The following CNBD1 variants were observed in gnomAD, a reference collection of about 807,000 sequenced individuals.
The protein encoded by CNBD1 is cyclic nucleotide-binding domain-containing protein 1.
In CNBD1, 71 loss-of-function variants were observed where a neutral mutation model predicts 54.4. That is an observed-to-expected ratio of 1.30 (90% CI 1.08 to 1.59). CNBD1 has a LOEUF of 1.59. CNBD1 is among the 40% of genes most tolerant of loss of function. The pLI, the probability that CNBD1 is intolerant of heterozygous loss-of-function variation, is 0.00. For synonymous variants in CNBD1, 182 were observed against 170.7 expected (o/e 1.07, Z -0.51); for missense variants, 659 against 518.0 (o/e 1.27, Z -2.64).
At chr8:87,150,579 T>A (rs550849227) in intron 4 of CNBD1, among the ~76,000 whole-genome samples, 1 of 152,358 alleles carries the variant, frequency 6.6e-6, no homozygotes, top group Admixed American at 6.5e-5. Flanking sequence ...AGGAACGTTT[T>A]ATTCAATTGT....
chr8:86,902,626 C>T (rs1386085865), intron 2 of CNBD1, among the ~76,000 whole-genome samples: 2 of 151,912 alleles, frequency 1.3e-5, no homozygotes, highest in Non-Finnish European at 2.9e-5. Context: ...ATTTCCCTTT[C>T]ATCTGCTTGA....
At chr8:87,031,438 T>A (rs768662807) in intron 4 of CNBD1, among the ~76,000 whole-genome samples, 14 of 152,150 alleles carry the variant, frequency 9.2e-5, no homozygotes, top group Non-Finnish European at 1.6e-4. Flanking sequence ...TCCTTATCAG[T>A]AGGGCTCATT....
At chr8:86,910,384 C>T (rs1809082697) in intron 3 of CNBD1, among the ~76,000 whole-genome samples, 1 of 152,000 alleles carries the variant, frequency 6.6e-6, no homozygotes, top group South Asian at 2.1e-4. Context: ...ACTTGTAACA[C>T]CTGTAACACT....
intron 6 of CNBD1, among the ~76,000 whole-genome samples, chr8:87,275,373 C>A (rs991303151): frequency 6.6e-6 from 1 of 151,658 alleles, no homozygotes; most frequent in Non-Finnish European, 1.5e-5. Flanking sequence ...GGCAGTATGG[C>A]CATTTTCACG....
At chr8:87,347,452 T>C (rs547373365) in intron 8 of CNBD1, among the ~76,000 whole-genome samples, 1 of 152,112 alleles carries the variant, frequency 6.6e-6, no homozygotes, top group Non-Finnish European at 1.5e-5. Flanking sequence ...GGCTAGAAAA[T>C]ATAATATACA....
intron 4 of CNBD1, among the ~76,000 whole-genome samples, chr8:87,084,131 T>C (rs1001293587): frequency 6.6e-6 from 1 of 152,238 alleles, no homozygotes; most frequent in Non-Finnish European, 1.5e-5. Context: ...CTATAATTTA[T>C]ACCACTGTTT....
At chr8:87,183,987 A>G (rs893254172) in intron 4 of CNBD1, among the ~76,000 whole-genome samples, 7 of 152,192 alleles carry the variant, frequency 4.6e-5, no homozygotes, top group African/African-American at 1.4e-4. Flanking sequence ...GTAGAATGGC[A>G]GGGAGTGCCA....
intron 4 of CNBD1, among the ~76,000 whole-genome samples, chr8:87,184,254 C>T (rs901804190): frequency 2.6e-5 from 4 of 152,124 alleles, no homozygotes; most frequent in African/African-American, 9.7e-5. Flanking sequence ...TGACGGCAAA[C>T]TTTTTAGTGG....
chr8:87,023,135 CCTT>C (rs1248654799), intron 4 of CNBD1, among the ~76,000 whole-genome samples: 2 of 152,242 alleles, frequency 1.3e-5, no homozygotes, highest in Non-Finnish European at 2.9e-5. Flanking sequence ...CTCATATGCT[CCTT>C]CTTTTTGACA....
intron 2 of CNBD1, among the ~76,000 whole-genome samples, chr8:86,900,014 C>A (rs906953841): frequency 3.3e-5 from 5 of 152,096 alleles, no homozygotes; most frequent in Non-Finnish European, 7.4e-5. Context: ...ACTTTCCCCC[C>A]TCTTTTCTTG....
chr8:87,110,164 G>C (rs1158471851), intron 4 of CNBD1, among the ~76,000 whole-genome samples: 1 of 152,118 alleles, frequency 6.6e-6, no homozygotes, highest in African/African-American at 2.4e-5. Context: ...CCTGAGTGAG[G>C]CTATGATGCA....
intron 2 of CNBD1, among the ~76,000 whole-genome samples, chr8:87,421,670 A>C (rs1452931196): frequency 2.5e-4 from 38 of 151,416 alleles, no homozygotes; most frequent in African/African-American, 9.2e-4. Flanking sequence ...AATCCAGTCT[A>C]TCATTGTTGG....
rs1811008018 is a variant in CNBD1 at position 87,082,152 on chromosome 8, A to G, written c.432-123841A>G. Among the ~76,000 whole-genome samples the G allele has an allele frequency of 2.6e-5, 4 of 152,218 alleles. No individual in the cohort carries two copies. The South Asian group carries it at 8.3e-4, about 32-fold the overall frequency. On this transcript the variant is annotated intron_variant, in intron 4 of 10. Transcript: ENST00000518476. ...ACAAAGATGACATTTCACCATTGTG[A>G]TTTGTTCCTGCCCCACCCCAATTAA...
intron 2 of CNBD1, among the ~76,000 whole-genome samples, chr8:86,898,568 GAA>G (rs932917341): frequency 7.9e-5 from 12 of 152,220 alleles, no homozygotes; most frequent in African/African-American, 2.6e-4. Context: ...ATTGAATGGA[GAA>G]AGTTTGGATT....
At chr8:87,157,134 T>A (rs948742674) in intron 4 of CNBD1, among the ~76,000 whole-genome samples, 3 of 152,104 alleles carry the variant, frequency 2.0e-5, no homozygotes, top group African/African-American at 7.2e-5. Flanking sequence ...GAAGCAATCC[T>A]CTCCAAAAAA....
At chr8:87,236,019 AAAG>A (rs1168595547) in intron 5 of CNBD1, among the ~76,000 whole-genome samples, 3 of 152,154 alleles carry the variant, frequency 2.0e-5, no homozygotes, top group African/African-American at 7.2e-5. Context: ...ACTCAGAAAA[AAAG>A]CAGACATGGC....
chr8:87,328,414 T>A (rs1334774632), intron 8 of CNBD1, among the ~76,000 whole-genome samples: 1 of 151,960 alleles, frequency 6.6e-6, no homozygotes, highest in Non-Finnish European at 1.5e-5. Flanking sequence ...TAAATTATGT[T>A]TAATTTTTTT....
At chr8:86,957,310 C>T (rs1362606131) in intron 4 of CNBD1, among the ~76,000 whole-genome samples, 5 of 152,108 alleles carry the variant, frequency 3.3e-5, no homozygotes, top group Non-Finnish European at 7.3e-5. Flanking sequence ...TGTGTCTCTG[C>T]CAGGCTTTGG....
chr8:86,973,813 A>G (rs1350695656), intron 4 of CNBD1, among the ~76,000 whole-genome samples: 2 of 152,180 alleles, frequency 1.3e-5, no homozygotes, highest in African/African-American at 4.8e-5. Flanking sequence ...GAAACAGGAA[A>G]AGGAGGGGAT....
Sources: gnomAD v4.1 joint callset for allele counts (sites outside exome capture counted in the v4.1 genomes callset) on GRCh38, gnomAD v4.1.1 for gene constraint, MANE v1.5 for transcripts, NCBI Gene and HGNC (gene_info 2026-07-23, HGNC 2026-07-21) for gene names.